The following BRINP3 variants were observed in gnomAD, a reference collection of about 807,000 sequenced individuals.
BRINP3 encodes the protein BMP/retinoic acid inducible neural specific 3.
In BRINP3, 19 loss-of-function variants were observed where a neutral mutation model predicts 71.0. That is an observed-to-expected ratio of 0.27 (90% CI 0.19 to 0.39). The LOEUF (loss-of-function observed/expected upper bound fraction) is 0.39. BRINP3 is among the 10% of genes least tolerant of loss of function. The pLI is 1.00. For missense variants in BRINP3, 959 were observed against 940.8 expected, an observed-to-expected ratio of 1.02 and a Z score of -0.25; for synonymous variants, 380 against 337.7, an observed-to-expected ratio of 1.13 and a Z score of -1.37.
intron 2 of BRINP3, among the ~76,000 whole-genome samples, chr1:190,368,184 C>G (rs1669630954): frequency 6.6e-6 from 1 of 152,066 alleles, no homozygotes; most frequent in African/African-American, 2.4e-5. Flanking sequence ...CTGGGGAGGC[C>G]TCAGGAAACT....
chr1:190,431,689 TG>T (rs1236655597), intron 2 of BRINP3, among the ~76,000 whole-genome samples: 17 of 152,174 alleles, frequency 1.1e-4, no homozygotes, highest in Admixed American at 1.0e-3. Context: ...ATTATTAAAC[TG>T]AAAAATGTGA....
At chr1:190,450,226 G>A (rs1344894152) in intron 2 of BRINP3, among the ~76,000 whole-genome samples, 1 of 152,140 alleles carries the variant, frequency 6.6e-6, no homozygotes, top group Non-Finnish European at 1.5e-5. Context: ...CTTCTGAGTA[G>A]TTAGCTGATG....
chr1:190,475,839 T>G (rs952401708), intron 1 of BRINP3: 1 of 145,016 alleles, frequency 6.9e-6, no homozygotes, highest in African/African-American at 2.5e-5. Context: ...TTTTTTTTCT[T>G]TTTCTTTTTT....
At chr1:190,210,751 A>G (rs185682380) in intron 6 of BRINP3, among the ~76,000 whole-genome samples, 79 of 152,168 alleles carry the variant, frequency 5.2e-4, no homozygotes, top group African/African-American at 1.9e-3. Flanking sequence ...GTTCCTGGGT[A>G]TGTCTGTGAG....
rs534360938 is a variant in BRINP3, at chr1:190,149,313, A to C, written c.1184+11355T>G. ...CTTCTGCTATTTAGATAGGTATTTC[A>C]CTTACATGTGATGAATTGTGATTTG... On this transcript the variant is annotated intron_variant, in intron 7 of 7. Coordinates refer to ENST00000367462, the MANE Select transcript of BRINP3 (RefSeq NM_199051.3). 6.6e-5 allele frequency among the ~76,000 whole-genome samples: 10 copies of C among 152,224 alleles called. No homozygotes were observed. In the South Asian group the frequency reaches 1.2e-3, roughly 19 times the overall value.
intron 3 of BRINP3, among the ~76,000 whole-genome samples, chr1:190,278,895 T>C (rs1662829775): frequency 6.6e-6 from 1 of 151,502 alleles, no homozygotes; most frequent in Admixed American, 6.6e-5. Flanking sequence ...AAACGAATCT[T>C]AAGGCCAAAA....
chr1:190,198,904 C>T (rs868507907), intron 6 of BRINP3, among the ~76,000 whole-genome samples: 1 of 152,150 alleles, frequency 6.6e-6, no homozygotes, highest in South Asian at 2.1e-4. Context: ...AACAGCAGCA[C>T]CCTACTCTTA....
At chr1:190,360,184 T>C (rs189441037) in intron 2 of BRINP3, among the ~76,000 whole-genome samples, 43 of 152,306 alleles carry the variant, frequency 2.8e-4, no homozygotes, top group Admixed American at 1.2e-3. Context: ...TCGATGGTGG[T>C]TATTCAGCCT....
intron 2 of BRINP3, among the ~76,000 whole-genome samples, chr1:190,324,052 T>A (rs575716287): frequency 6.6e-6 from 1 of 151,968 alleles, no homozygotes; most frequent in African/African-American, 2.4e-5. Context: ...CAATTAAAAC[T>A]GTTTTAAACC....
intron 2 of BRINP3, among the ~76,000 whole-genome samples, chr1:190,368,292 A>T (rs1057452404): frequency 3.3e-5 from 5 of 152,068 alleles, no homozygotes; most frequent in African/African-American, 9.7e-5. Context: ...TTATAAAATC[A>T]TCAAATCTCA....
intron 6 of BRINP3, among the ~76,000 whole-genome samples, chr1:190,162,431 A>T (rs1451719071): frequency 1.3e-5 from 2 of 151,812 alleles, no homozygotes; most frequent in Non-Finnish European, 2.9e-5. Flanking sequence ...GAGTAGAGCC[A>T]CTCTGCCTCG....
intron 6 of BRINP3, among the ~76,000 whole-genome samples, chr1:190,215,740 G>A (rs940496627): frequency 2.6e-5 from 4 of 151,774 alleles, no homozygotes; most frequent in African/African-American, 9.7e-5. Flanking sequence ...ATACAAGATG[G>A]CCGCCAACTG....
At chr1:190,243,392 T>G (rs1659295982) in intron 4 of BRINP3, among the ~76,000 whole-genome samples, 1 of 152,050 alleles carries the variant, frequency 6.6e-6, no homozygotes, top group Admixed American at 6.6e-5. Context: ...AAAAAATACA[T>G]GTAGCCATAA....
At chr1:190,381,216 T>C (rs1018585086) in intron 2 of BRINP3, among the ~76,000 whole-genome samples, 4 of 152,138 alleles carry the variant, frequency 2.6e-5, no homozygotes, top group Non-Finnish European at 5.9e-5. Context: ...TTACGTGTGT[T>C]GTCCTAGTTT....
At chr1:190,426,291 G>A (rs1673702655) in intron 2 of BRINP3, among the ~76,000 whole-genome samples, 1 of 151,696 alleles carries the variant, frequency 6.6e-6, no homozygotes, top group African/African-American at 2.4e-5. Flanking sequence ...CTTGGTATTT[G>A]TGGAGTCCTG....
chr1:190,288,753 T>C (rs1663626805), intron 2 of BRINP3, among the ~76,000 whole-genome samples: 1 of 151,890 alleles, frequency 6.6e-6, no homozygotes, highest in South Asian at 2.1e-4. Flanking sequence ...ATAAATATTA[T>C]TGATTAAGGT....
At position 190,383,844 on chromosome 1, in the gene BRINP3, C is replaced by T. The variant is rs191789178; in HGVS notation, c.236+70811G>A. Among the ~76,000 whole-genome samples the T allele has an allele frequency of 2.3e-3, 351 of 151,958 alleles. 1 individual carries two copies. Among genetic ancestry groups the T allele is most frequent in the Non-Finnish European group, 3.8e-3 (257 of 67,868 alleles). On this transcript the variant is annotated intron_variant, in intron 2 of 7. Transcript: ENST00000367462. ...ACAAGGAAGTGTTTTCACAGACAGG[C>T]TTATAAAATAATAAATGTTATTGAT...
intron 7 of BRINP3, among the ~76,000 whole-genome samples, chr1:190,133,372 G>A (rs1654702465): frequency 6.6e-6 from 1 of 151,976 alleles, no homozygotes; most frequent in African/African-American, 2.4e-5. Context: ...ATAAATATAT[G>A]CATTATAACT....
At chr1:190,112,272 A>G (rs79141881) in intron 7 of BRINP3, among the ~76,000 whole-genome samples, 2,772 of 152,294 alleles carry the variant, frequency 0.018, 91 homozygotes, top group African/African-American at 0.063. Context: ...AAAATTAAGT[A>G]TGTGTTTTCA....
Sources: gnomAD v4.1 joint callset for allele counts (sites outside exome capture counted in the v4.1 genomes callset) on GRCh38, gnomAD v4.1.1 for gene constraint, MANE v1.5 for transcripts, NCBI Gene and HGNC (gene_info 2026-07-23, HGNC 2026-07-21) for gene names.